The following SYK variants were observed in gnomAD, a reference collection of about 807,000 sequenced individuals.
SYK encodes the protein tyrosine-protein kinase SYK.
Under a neutral mutation model 77.8 loss-of-function variants are expected in SYK, and 16 were observed. The observed-to-expected ratio is 0.21, with a 90% CI of 0.14 to 0.31. The LOEUF (loss-of-function observed/expected upper bound fraction) is 0.31, where lower values mean the gene tolerates loss of function less well. Ranked by LOEUF, SYK falls within the 10% of genes least tolerant of loss-of-function variation. SYK has a pLI of 1.00. For synonymous variants in SYK, 312 were observed against 308.7 expected (o/e 1.01, Z -0.11); for missense variants, 529 against 814.4 (o/e 0.65, Z 4.26).
At chr9:90,824,194 G>A (rs188982627) in intron 1 of SYK, among the ~76,000 whole-genome samples, 153 of 152,150 alleles carry the variant, frequency 1.0e-3, no homozygotes, top group Non-Finnish European at 1.7e-3. Context: ...AAAACTTACA[G>A]AAGAAATAGG....
chr9:90,896,863 C>A lies in SYK; in HGVS notation c.*1263C>A, dbSNP rs201483217. ...CCAATATGGTAAAACCCCATCTCTA[C>A]TAAAAATACAAAAATTAGCCGGGCA... is the stretch of plus-strand genomic sequence containing the variant. On this transcript the variant is annotated 3_prime_UTR_variant, in exon 14 of 14. Coordinates refer to ENST00000375754, the MANE Select transcript of SYK (RefSeq NM_003177.7). The A allele has an allele frequency of 5.5e-5, 11 of 201,236 alleles. No individual in the cohort carries two copies. The highest frequency in any genetic ancestry group is 6.1e-5 in the Non-Finnish European group (6 of 97,776). The allele number at this position is 201,236 out of a possible 1,614,324, so 12.5% of individuals were successfully genotyped here. A position where few individuals can be genotyped will look rare whatever the true frequency, so the allele number is the denominator to read the frequency against.
rs115363876 is a variant in SYK at position 90,897,150 on chromosome 9, C to G, written c.*1550C>G. 1 of 230,630 alleles carries G rather than the reference C, an allele frequency of 4.3e-6. No individual in the cohort carries two copies. Among genetic ancestry groups the G allele is most frequent in the Admixed American group, 5.6e-5 (1 of 17,700 alleles). 14.3% of individuals were successfully genotyped at this position (230,630 alleles called of 1,614,324 possible). A position where few individuals can be genotyped will look rare whatever the true frequency, so the allele number is the denominator to read the frequency against. On this transcript the variant is annotated 3_prime_UTR_variant, in exon 14 of 14. Transcript: ENST00000375754. ...CCTGAGACATTTTAAAGTGCATGGA[C>G]AGCCATGGACAGCAGGCCCTCCTCT...
chr9:90,830,200 G>T (rs577225421), intron 1 of SYK, among the ~76,000 whole-genome samples: 47 of 152,364 alleles, frequency 3.1e-4, no homozygotes, highest in African/African-American at 9.9e-4. Context: ...GTAAGGCTGT[G>T]CCTTGGAGAC....
rs1828478299 is a variant in SYK at position 90,884,882 on chromosome 9, CATATATATACATATGCACATATGTGT to C, written c.1582-2859_1582-2834del. On this transcript the variant is annotated intron_variant, in intron 11 of 13. Transcript: ENST00000375754. ...GTGTATATACATATATACATATATA[CATATATATACATATGCACATATGTGT>C]ATATATACATATATATACATATGCA... Among the ~76,000 whole-genome samples the C allele has an allele frequency of 1.4e-4, 7 of 48,770 alleles. 3 individuals are homozygous for C. Among genetic ancestry groups the C allele is most frequent in the African/African-American group, 2.0e-4 (2 of 10,014 alleles). 32.0% of individuals were successfully genotyped at this position (48,770 alleles called of 152,430 possible). A position where few individuals can be genotyped will look rare whatever the true frequency, so the allele number is the denominator to read the frequency against.
At chr9:90,848,910 G>A (rs1826706206) in intron 3 of SYK, among the ~76,000 whole-genome samples, 1 of 152,214 alleles carries the variant, frequency 6.6e-6, no homozygotes, top group African/African-American at 2.4e-5. Flanking sequence ...TGCTGTGAGG[G>A]AGGCCATTGA....
In SYK at chr9:90,898,375, C is replaced by G. The variant is rs1351647604; in HGVS notation, c.*2775C>G. On this transcript the variant is annotated 3_prime_UTR_variant, in exon 14 of 14. Coordinates refer to ENST00000375754, the MANE Select transcript of SYK (RefSeq NM_003177.7). ...GGACATCAGTCCAATGACTGCAAGT[C>G]GGCCTGGATTTTCACTTGCAGAGGC... The G allele has an allele frequency of 4.4e-6, 1 of 227,798 alleles. No individual in the cohort carries two copies. Among genetic ancestry groups the G allele is most frequent in the East Asian group, 6.3e-5 (1 of 15,954 alleles). 14.1% of individuals were successfully genotyped at this position (227,798 alleles called of 1,614,324 possible). A position where few individuals can be genotyped will look rare whatever the true frequency, so the allele number is the denominator to read the frequency against.
At chr9:90,891,129 G>A (rs1361349226) in intron 13 of SYK, among the ~76,000 whole-genome samples, 2 of 144,272 alleles carry the variant, frequency 1.4e-5, no homozygotes, top group Admixed American at 6.9e-5. Flanking sequence ...CTTGGCCGAC[G>A]CCATGTTGCC....
chr9:90,898,001 A>G lies in SYK; in HGVS notation c.*2401A>G, dbSNP rs201185795. ...CTGGGAAAGGCCTCCAGGCTTCTAG[A>G]GCAGCTAGCTTGGGCTGGATTCTCA... On this transcript the variant is annotated 3_prime_UTR_variant, in exon 14 of 14. Transcript: ENST00000375754. The G allele has an allele frequency of 2.2e-5, 5 of 229,372 alleles. No individual in the cohort carries two copies. The highest frequency in any genetic ancestry group is 2.6e-5 in the Non-Finnish European group (3 of 115,688). The allele number at this position is 229,372 out of a possible 1,614,324, so 14.2% of individuals were successfully genotyped here. A position where few individuals can be genotyped will look rare whatever the true frequency, so the allele number is the denominator to read the frequency against.
intron 1 of SYK, among the ~76,000 whole-genome samples, chr9:90,822,427 AT>A (rs1398190259): frequency 2.6e-5 from 4 of 152,358 alleles, no homozygotes; most frequent in African/African-American, 9.6e-5. Context: ...TCAATGTGAT[AT>A]TTCGTTTAAA....
intron 9 of SYK, among the ~76,000 whole-genome samples, chr9:90,877,294 C>G (rs1461857666): frequency 6.6e-6 from 1 of 152,202 alleles, no homozygotes; most frequent in Non-Finnish European, 1.5e-5. Flanking sequence ...CCTCCCCTTT[C>G]AACCTCCCAA....
chr9:90,848,964 T>C (rs901227981), intron 3 of SYK, among the ~76,000 whole-genome samples: 4 of 152,190 alleles, frequency 2.6e-5, no homozygotes, highest in Admixed American at 1.3e-4. Flanking sequence ...ACCCAGGGAA[T>C]GGCAAATTCG....
rs532338100 is a variant in SYK, at chr9:90,827,978, C to T, written c.-41-15880C>T. ...AACTGGCTAGGAAAAAGAATGCTAG[C>T]GATTTTTTTTAAATAGACATTCAGT... is the stretch of plus-strand genomic sequence containing the variant. On this transcript the variant is annotated intron_variant, in intron 1 of 13. Coordinates refer to ENST00000375754, the MANE Select transcript of SYK (RefSeq NM_003177.7). Among the ~76,000 whole-genome samples, 8 of 43,428 alleles carry T rather than the reference C, an allele frequency of 1.8e-4. No individual in the cohort carries two copies. In the Admixed American group the frequency reaches 1.9e-3, roughly 11 times the overall value. The allele number at this position is 43,428 out of a possible 152,430, so 28.5% of individuals were successfully genotyped here.
At chr9:90,818,539 A>G (rs974449396) in intron 1 of SYK, among the ~76,000 whole-genome samples, 3 of 152,220 alleles carry the variant, frequency 2.0e-5, no homozygotes, top group African/African-American at 7.2e-5. Context: ...TTACGGTCAG[A>G]TCGTAAGGAA....
chr9:90,845,076 C>T (rs530672781), intron 2 of SYK, among the ~76,000 whole-genome samples: 2 of 152,270 alleles, frequency 1.3e-5, no homozygotes, highest in African/African-American at 4.8e-5. Flanking sequence ...GCTGGGATTA[C>T]AGGCATGTGC....
intron 13 of SYK, among the ~76,000 whole-genome samples, chr9:90,892,603 G>A (rs1030575659): frequency 1.3e-5 from 2 of 152,210 alleles, no homozygotes; most frequent in African/African-American, 4.8e-5. Context: ...AGGAGGCAGC[G>A]TGAAAGCCAG....
rs971536845 is a variant in SYK at position 90,897,086 on chromosome 9, G to C, written c.*1486G>C. On this transcript the variant is annotated 3_prime_UTR_variant, in exon 14 of 14. Coordinates refer to ENST00000375754, the MANE Select transcript of SYK (RefSeq NM_003177.7). ...TTTAGCCATCATTCTTATGCCAGCA[G>C]ATATAAATAAACTTGGACCCATCTG... is the stretch of plus-strand genomic sequence containing the variant. The C allele has an allele frequency of 4.4e-6, 1 of 225,108 alleles. No individual in the cohort carries two copies. The highest frequency in any genetic ancestry group is 6.4e-5 in the East Asian group (1 of 15,636). The allele number at this position is 225,108 out of a possible 1,614,324, so 13.9% of individuals were successfully genotyped here. A position where few individuals can be genotyped will look rare whatever the true frequency, so the allele number is the denominator to read the frequency against.
chr9:90,863,045 A>G (rs1827339511), intron 4 of SYK, among the ~76,000 whole-genome samples: 3 of 152,180 alleles, frequency 2.0e-5, no homozygotes, highest in Admixed American at 1.3e-4. Flanking sequence ...ACAACTCCCA[A>G]TTTGGAAGTT....
intron 3 of SYK, among the ~76,000 whole-genome samples, chr9:90,852,751 A>G (rs1051999037): frequency 3.3e-5 from 5 of 152,116 alleles, no homozygotes; most frequent in Non-Finnish European, 4.4e-5. Context: ...CTGACTTTAG[A>G]AAAAAAAGTT....
intron 1 of SYK, among the ~76,000 whole-genome samples, chr9:90,836,031 C>A (rs1587837999): frequency 6.6e-6 from 1 of 152,126 alleles, no homozygotes; most frequent in African/African-American, 2.4e-5. Flanking sequence ...GCTCACGCCT[C>A]TAATCCCAGC....
Sources: gnomAD v4.1 joint callset for allele counts (sites outside exome capture counted in the v4.1 genomes callset) on GRCh38, gnomAD v4.1.1 for gene constraint, MANE v1.5 for transcripts, NCBI Gene and HGNC (gene_info 2026-07-23, HGNC 2026-07-21) for gene names.